Variants in DAB1 observed in about 807,000 individuals in gnomAD.
The protein encoded by DAB1 is disabled homolog 1.
In DAB1, 15 loss-of-function variants were observed where a neutral mutation model predicts 64.6. The ratio of observed to expected loss-of-function variants is 0.23; its 90% CI spans 0.16 to 0.36. DAB1 has a LOEUF of 0.36. Among genes scored for constraint, DAB1 ranks in the 10% least tolerant of loss-of-function variants. DAB1 has a pLI of 1.00. For missense variants in DAB1, 596 were observed against 706.7 expected, an observed-to-expected ratio of 0.84 and a Z score of 1.78; for synonymous variants, 235 against 251.9, an observed-to-expected ratio of 0.93 and a Z score of 0.64.
At chr1:58,228,328 G>A (rs1467625507) in intron 4 of DAB1, among the ~76,000 whole-genome samples, 2 of 152,184 alleles carry the variant, frequency 1.3e-5, no homozygotes, top group African/African-American at 4.8e-5. Flanking sequence ...TATCAAGCAT[G>A]AATTTCTATA....
At chr1:57,008,139 A>T (rs544186925) in intron 14 of DAB1, among the ~76,000 whole-genome samples, 1 of 152,336 alleles carries the variant, frequency 6.6e-6, no homozygotes, top group African/African-American at 2.4e-5. Flanking sequence ...ACTTATTTTG[A>T]CTTGCATGTG....
In DAB1 at chr1:56,997,821, C is replaced by G. The variant is rs1645687670; in HGVS notation, c.*323G>C. The G allele has an allele frequency of 6.6e-6, 1 of 152,162 alleles. No individual in the cohort carries two copies. The highest frequency in any genetic ancestry group is 6.5e-5 in the Admixed American group (1 of 15,274). The allele number at this position is 152,162 out of a possible 1,614,324, so 9.4% of individuals were successfully genotyped here. A position where few individuals can be genotyped will look rare whatever the true frequency, so the allele number is the denominator to read the frequency against. On this transcript the variant is annotated 3_prime_UTR_variant, in exon 15 of 15. Transcript: ENST00000371236. ...TTTGCACACTGAGTCATCTTAAACC[C>G]AGCTATGAGGGCTCAAATATTTGTT...
chr1:58,060,865 A>G (rs374244044), intron 5 of DAB1, among the ~76,000 whole-genome samples: 4 of 152,358 alleles, frequency 2.6e-5, no homozygotes, highest in East Asian at 3.9e-4. Context: ...TACAACGTGG[A>G]ACATCTGGTT....
intron 11 of DAB1, among the ~76,000 whole-genome samples, chr1:57,018,418 A>G (rs1646503270): frequency 6.6e-6 from 1 of 152,252 alleles, no homozygotes. Context: ...ATTTAAATAC[A>G]TATATTTTTA....
At chr1:57,150,742 G>T (rs1252568381) in intron 2 of DAB1, among the ~76,000 whole-genome samples, 1 of 152,180 alleles carries the variant, frequency 6.6e-6, no homozygotes, top group African/African-American at 2.4e-5. Flanking sequence ...TAGGGAAGAA[G>T]GTGAGAAGCT....
chr1:58,353,130 C>T (rs924565901), intron 3 of DAB1, among the ~76,000 whole-genome samples: 2 of 151,940 alleles, frequency 1.3e-5, no homozygotes, highest in Non-Finnish European at 2.9e-5. Flanking sequence ...AGGTCCCCTT[C>T]TTTATTTGTG....
At chr1:58,370,714 T>C (rs1644258236) in intron 3 of DAB1, among the ~76,000 whole-genome samples, 1 of 152,176 alleles carries the variant, frequency 6.6e-6, no homozygotes, top group Non-Finnish European at 1.5e-5. Context: ...GATTGAATCA[T>C]GGGGCAGTTT....
intron 8 of DAB1, among the ~76,000 whole-genome samples, chr1:57,068,149 T>C (rs1651105479): frequency 6.6e-6 from 1 of 152,112 alleles, no homozygotes; most frequent in Non-Finnish European, 1.5e-5. Context: ...AAAGCTTCCT[T>C]TTATTTAAAA....
chr1:57,127,813 C>T (rs1024538365), intron 4 of DAB1, among the ~76,000 whole-genome samples: 3 of 152,066 alleles, frequency 2.0e-5, no homozygotes, highest in Non-Finnish European at 4.4e-5. Context: ...TACTTAGCAC[C>T]ATGCCTGGCA....
intron 3 of DAB1, among the ~76,000 whole-genome samples, chr1:58,459,166 A>G (rs1645219635): frequency 6.6e-6 from 1 of 152,256 alleles, no homozygotes; most frequent in Non-Finnish European, 1.5e-5. Flanking sequence ...GCCAAAGAAC[A>G]CAGAGAGTGG....
At chr1:57,630,633 A>G (rs1318104454) in intron 7 of DAB1, among the ~76,000 whole-genome samples, 2 of 152,186 alleles carry the variant, frequency 1.3e-5, no homozygotes, top group Non-Finnish European at 2.9e-5. Flanking sequence ...ACTTCACTTA[A>G]CTGAGCACCA....
chr1:58,408,587 AGGGGAGAAACTAAAACC>A (rs982429789), intron 3 of DAB1, among the ~76,000 whole-genome samples: 2 of 152,120 alleles, frequency 1.3e-5, no homozygotes, highest in Admixed American at 1.3e-4. Flanking sequence ...GTGGGAAAGC[AGGGGAGAAACTAAAACC>A]AAAGAGGGTT....
At chr1:57,345,572 A>T (rs368193231) in intron 1 of DAB1, among the ~76,000 whole-genome samples, 1 of 152,210 alleles carries the variant, frequency 6.6e-6, no homozygotes, top group Admixed American at 6.5e-5. Context: ...TTATGTATGC[A>T]ACATCTAGTG....
intron 2 of DAB1, among the ~76,000 whole-genome samples, chr1:57,167,529 A>G (rs1383973064): frequency 6.6e-6 from 1 of 151,758 alleles, no homozygotes; most frequent in Non-Finnish European, 1.5e-5. Flanking sequence ...ACAATCTCAC[A>G]CTCTCTCAGA....
At chr1:57,296,646 A>T (rs1027039534) in intron 1 of DAB1, among the ~76,000 whole-genome samples, 1 of 152,200 alleles carries the variant, frequency 6.6e-6, no homozygotes, top group African/African-American at 2.4e-5. Context: ...TACCGATATA[A>T]TTAAGGATGG....
intron 1 of DAB1, among the ~76,000 whole-genome samples, chr1:57,835,723 G>A (rs1057310194): frequency 6.6e-6 from 1 of 152,188 alleles, no homozygotes; most frequent in African/African-American, 2.4e-5. Context: ...TAATAGCCCT[G>A]CTGTTTTGCT....
At chr1:58,233,284 C>T (rs915784342) in intron 4 of DAB1, among the ~76,000 whole-genome samples, 1 of 152,148 alleles carries the variant, frequency 6.6e-6, no homozygotes, top group African/African-American at 2.4e-5. Flanking sequence ...ATTTCAATCT[C>T]CATAACAACT....
intron 6 of DAB1, among the ~76,000 whole-genome samples, chr1:57,687,079 G>A (rs1028871581): frequency 2.6e-5 from 4 of 151,972 alleles, no homozygotes; most frequent in Non-Finnish European, 4.4e-5. Flanking sequence ...AAAAGCATCC[G>A]AATAGAATAA....
chr1:58,301,230 G>A (rs1021000589), intron 4 of DAB1, among the ~76,000 whole-genome samples: 3 of 138,744 alleles, frequency 2.2e-5, no homozygotes, highest in Non-Finnish European at 4.7e-5. Flanking sequence ...ATGTGGGGGT[G>A]GAGAGGGGGG....
Sources: allele counts gnomAD v4.1 joint callset (sites outside exome capture counted in the v4.1 genomes callset), GRCh38; gene constraint gnomAD v4.1.1; transcripts MANE v1.5; gene names NCBI Gene and HGNC (gene_info 2026-07-23, HGNC 2026-07-21).